SH3GL2: variants seen among roughly 807,000 people sequenced by gnomAD.
SH3GL2 encodes SH3 domain containing GRB2 like 2, endophilin A1.
SH3GL2 carries 24 observed loss-of-function variants against 46.0 expected under a neutral mutation model. That is an observed-to-expected ratio of 0.52 (90% CI 0.38 to 0.73). The LOEUF is 0.73. SH3GL2 is among the 30% of genes least tolerant of loss of function. SH3GL2 has a pLI of 0.00. For missense variants in SH3GL2, 413 were observed against 424.2 expected (o/e 0.97, Z 0.23); for synonymous variants, 196 against 147.1 (o/e 1.33, Z -2.40).
At chr9:17,756,420 C>CA (rs1822989966) in intron 2 of SH3GL2, among the ~76,000 whole-genome samples, 1 of 151,468 alleles carries the variant, frequency 6.6e-6, no homozygotes, top group African/African-American at 2.4e-5. Flanking sequence ...TGGTGTGCTG[C>CA]ACCCATTAAC....
At chr9:17,627,249 C>A (rs1011841106) in intron 1 of SH3GL2, among the ~76,000 whole-genome samples, 1 of 152,122 alleles carries the variant, frequency 6.6e-6, no homozygotes, top group Admixed American at 6.5e-5. Context: ...CATCCTGCAG[C>A]GCCATATATT....
intron 2 of SH3GL2, among the ~76,000 whole-genome samples, chr9:17,749,911 T>TTCAA (rs1822797477): frequency 6.6e-6 from 1 of 152,220 alleles, no homozygotes; most frequent in African/African-American, 2.4e-5. Context: ...AAAATATAGA[T>TTCAA]ACTCCTGCAG....
chr9:17,790,664 A>G lies in SH3GL2; in HGVS notation c.625-567A>G, dbSNP rs530428097. On this transcript the variant is annotated intron_variant, in intron 6 of 8. Coordinates refer to ENST00000380607, the MANE Select transcript of SH3GL2 (RefSeq NM_003026.5). ...AGCTGGATCATAATGTGAAACATAA[A>G]ATCAAGAGAAATCAAGCTTAGAATA... Among the ~76,000 whole-genome samples, 6 of 152,172 alleles carry G rather than the reference A, an allele frequency of 3.9e-5. No homozygotes were observed. In the South Asian group the frequency reaches 1.2e-3, roughly 32 times the overall value.
chr9:17,608,339 G>T (rs1051870250), intron 1 of SH3GL2, among the ~76,000 whole-genome samples: 1 of 151,768 alleles, frequency 6.6e-6, no homozygotes, highest in African/African-American at 2.4e-5. Flanking sequence ...GTAGAGACAG[G>T]GTTTCACCGT....
At chr9:17,788,090 A>T (rs983753707) in intron 5 of SH3GL2, among the ~76,000 whole-genome samples, 21 of 152,116 alleles carry the variant, frequency 1.4e-4, no homozygotes, top group African/African-American at 4.6e-4. Context: ...TGAGTGTGGA[A>T]TGTTTGCTCA....
intron 1 of SH3GL2, among the ~76,000 whole-genome samples, chr9:17,594,512 G>A (rs1264144454): frequency 6.6e-6 from 1 of 152,050 alleles, no homozygotes; most frequent in South Asian, 2.1e-4. Context: ...AGAGCATCAG[G>A]ACAAATGGCT....
intron 1 of SH3GL2, among the ~76,000 whole-genome samples, chr9:17,707,513 T>C (rs1306100729): frequency 6.6e-6 from 1 of 152,070 alleles, no homozygotes; most frequent in Non-Finnish European, 1.5e-5. Context: ...ACCTGTATTT[T>C]ACTGTGCTGT....
intron 1 of SH3GL2, among the ~76,000 whole-genome samples, chr9:17,699,557 C>G (rs1821293646): frequency 6.6e-6 from 1 of 152,206 alleles, no homozygotes; most frequent in South Asian, 2.1e-4. Flanking sequence ...ATCCACCAAT[C>G]TCCTGCTGCC....
chr9:17,697,970 C>T (rs1821250227), intron 1 of SH3GL2, among the ~76,000 whole-genome samples: 1 of 152,210 alleles, frequency 6.6e-6, no homozygotes, highest in African/African-American at 2.4e-5. Context: ...GGCATATTCA[C>T]TTTCTGCGTT....
At position 17,579,073 on chromosome 9, in the gene SH3GL2, T is replaced by A. The variant is rs1331773114; in HGVS notation, c.-170T>A. 1.7e-5 allele frequency: 8 copies of A among 468,052 alleles called. No homozygotes were observed. In the Admixed American group the frequency reaches 3.6e-4, roughly 21 times the overall value. 29.0% of individuals were successfully genotyped at this position (468,052 alleles called of 1,614,324 possible). A position where few individuals can be genotyped will look rare whatever the true frequency, so the allele number is the denominator to read the frequency against. On this transcript the variant is annotated 5_prime_UTR_variant, in exon 1 of 9. Coordinates refer to ENST00000380607, the MANE Select transcript of SH3GL2 (RefSeq NM_003026.5). The stretch of plus-strand genomic sequence containing the variant: ...GCATCACCCGCCCTTGACGTCAGAG[T>A]GTTTCTCCGCAAGAGCCCGTGTCCC...
chr9:17,648,061 G>A (rs1337055882), intron 1 of SH3GL2, among the ~76,000 whole-genome samples: 1 of 152,050 alleles, frequency 6.6e-6, no homozygotes, highest in Non-Finnish European at 1.5e-5. Flanking sequence ...TTACTTTATT[G>A]TAAAAATACA....
intron 1 of SH3GL2, among the ~76,000 whole-genome samples, chr9:17,580,780 C>G (rs188291480): frequency 2.0e-5 from 3 of 152,338 alleles, no homozygotes; most frequent in African/African-American, 4.8e-5. Context: ...TTCGATATTA[C>G]TAACCTTTTT....
At chr9:17,774,728 C>A (rs145803989) in intron 3 of SH3GL2, among the ~76,000 whole-genome samples, 1 of 152,148 alleles carries the variant, frequency 6.6e-6, no homozygotes. Flanking sequence ...CAACAATGAT[C>A]GTAAGAGATA....
At chr9:17,589,004 A>G (rs535220411) in intron 1 of SH3GL2, among the ~76,000 whole-genome samples, 23 of 152,308 alleles carry the variant, frequency 1.5e-4, no homozygotes, top group African/African-American at 5.3e-4. Flanking sequence ...CAGTTTTGCT[A>G]TTACTGGTGC....
chr9:17,748,567 A>T (rs1365822558), intron 2 of SH3GL2, among the ~76,000 whole-genome samples: 1 of 149,710 alleles, frequency 6.7e-6, no homozygotes, highest in Non-Finnish European at 1.5e-5. Context: ...GTGAGAAATT[A>T]AAAAAAAAAT....
intron 3 of SH3GL2, among the ~76,000 whole-genome samples, chr9:17,777,225 G>C (rs1823665646): frequency 6.6e-6 from 1 of 152,130 alleles, no homozygotes. Context: ...ATTTTTAGAG[G>C]CTTCTTTCAA....
chr9:17,718,100 C>G (rs540585336), intron 1 of SH3GL2, among the ~76,000 whole-genome samples: 1 of 152,256 alleles, frequency 6.6e-6, no homozygotes, highest in African/African-American at 2.4e-5. Context: ...TAAATCTCTA[C>G]TGATGCTTGA....
chr9:17,732,028 A>G (rs927586706), intron 1 of SH3GL2, among the ~76,000 whole-genome samples: 4 of 152,160 alleles, frequency 2.6e-5, no homozygotes, highest in Non-Finnish European at 5.9e-5. Context: ...CAAGCATATA[A>G]AAAAGGCAAC....
intron 3 of SH3GL2, among the ~76,000 whole-genome samples, chr9:17,765,823 G>A (rs1439398573): frequency 1.3e-5 from 2 of 152,144 alleles, no homozygotes; most frequent in Non-Finnish European, 2.9e-5. Context: ...CACTGTGCCT[G>A]TCTTATTCAC....
Sources: allele counts gnomAD v4.1 joint callset (sites outside exome capture counted in the v4.1 genomes callset), GRCh38; gene constraint gnomAD v4.1.1; transcripts MANE v1.5; gene names NCBI Gene and HGNC (gene_info 2026-07-23, HGNC 2026-07-21).